Variants in PRKCE observed in about 807,000 individuals in gnomAD.
The protein encoded by PRKCE is protein kinase C epsilon type.
In PRKCE, 16 loss-of-function variants were observed where a neutral mutation model predicts 85.4. The observed-to-expected ratio is 0.19, with a 90% CI of 0.13 to 0.28. The LOEUF (loss-of-function observed/expected upper bound fraction) is 0.28. Among genes scored for constraint, PRKCE ranks in the 10% least tolerant of loss-of-function variants. The probability of loss-of-function intolerance (pLI) is 1.00; values close to 1 mark genes in which losing one functional copy is unlikely to be tolerated. For synonymous variants in PRKCE, 388 were observed against 371.5 expected, an observed-to-expected ratio of 1.04 and a Z score of -0.51; for missense variants, 573 against 975.2, an observed-to-expected ratio of 0.59 and a Z score of 5.49.
intron 2 of PRKCE, among the ~76,000 whole-genome samples, chr2:45,903,112 G>T (rs1429200282): frequency 6.6e-6 from 1 of 152,200 alleles, no homozygotes; most frequent in Non-Finnish European, 1.5e-5. Flanking sequence ...GTTTTAGTGT[G>T]AATCACTATC....
rs558051279 is a variant in PRKCE at position 45,980,489 on chromosome 2, T to A, written c.693+108T>A. 4.1e-5 allele frequency: 41 copies of A among 1,007,836 alleles called. No homozygotes were observed. The East Asian group carries it at 9.8e-4, about 24-fold the overall frequency. 62.4% of individuals were successfully genotyped at this position (1,007,836 alleles called of 1,614,324 possible). On this transcript the variant is annotated intron_variant, in intron 5 of 14. Transcript: ENST00000306156. ...ACCTTCTCTGCCTGAGACCCTGTCATTTCATTGTGTTGATAAAAAAACAAA... is the reference window on the plus strand; with the variant it reads ...ACCTTCTCTGCCTGAGACCCTGTCAATTCATTGTGTTGATAAAAAAACAAA...
chr2:46,056,615 T>A (rs1045795364), intron 10 of PRKCE, among the ~76,000 whole-genome samples: 9 of 152,252 alleles, frequency 5.9e-5, no homozygotes, highest in Non-Finnish European at 1.2e-4. Flanking sequence ...CTTGAATGTC[T>A]TTTCATTACA....
chr2:46,175,284 G>A (rs2104684885), intron 14 of PRKCE, among the ~76,000 whole-genome samples: 2 of 152,272 alleles, frequency 1.3e-5, no homozygotes, highest in South Asian at 4.1e-4. Context: ...ATGTGCAGGG[G>A]AGATAAATGC....
At position 45,652,047 on chromosome 2, in the gene PRKCE, T is replaced by G; in HGVS notation, c.-54T>G. 7.1e-7 allele frequency: 1 copy of G among 1,413,762 alleles called. No homozygotes were observed. Among genetic ancestry groups the G allele is most frequent in the Non-Finnish European group, 9.6e-7 (1 of 1,041,118 alleles). The allele number at this position is 1,413,762 out of a possible 1,614,324, so 87.6% of individuals were successfully genotyped here. ...GGAGTGCCGGGCCGTCGGTTCTTCA[T>G]TCCTGCCCTCGGGGCAGACGGAGTG... On this transcript the variant is annotated 5_prime_UTR_variant, in exon 1 of 15. Transcript: ENST00000306156. This position sits in a 1 kb window ranked among gnomAD's most constrained non-coding sequence, Gnocchi z 7.7.
chr2:45,976,652 T>A (rs1702473664), intron 3 of PRKCE, 64 bp downstream of exon 3: 1 of 1,543,508 alleles, frequency 6.5e-7, no homozygotes, highest in Non-Finnish European at 8.8e-7. Flanking sequence ...GGGGATGGGG[T>A]AGGGGAGACT....
Position 46,137,276 on chromosome 2 carries a change from G to A in PRKCE, c.1593-7817G>A, listed in dbSNP as rs374629999. ...ACTGCCTCACTTCTTGTCTGACATC[G>A]GGAAGAGAAAATATGGGGACCCACC... is the stretch of plus-strand genomic sequence containing the variant. On this transcript the variant is annotated intron_variant, in intron 11 of 14. Transcript: ENST00000306156. Among the ~76,000 whole-genome samples, 26 of 152,258 alleles carry A rather than the reference G, an allele frequency of 1.7e-4. No homozygotes were observed. The South Asian group carries it at 2.5e-3, about 15-fold the overall frequency.
chr2:45,843,767 T>G (rs1028264488), intron 2 of PRKCE, among the ~76,000 whole-genome samples: 4 of 152,166 alleles, frequency 2.6e-5, no homozygotes, highest in African/African-American at 4.8e-5. Context: ...CAACTTAAGC[T>G]CTAAGAAAGA....
intron 2 of PRKCE, among the ~76,000 whole-genome samples, chr2:45,933,652 G>C (rs57497996): frequency 6.6e-6 from 1 of 151,394 alleles, no homozygotes; most frequent in African/African-American, 2.4e-5. Flanking sequence ...TTTTTTTTGT[G>C]TTTTTAGTGG....
intron 2 of PRKCE, among the ~76,000 whole-genome samples, chr2:45,859,958 T>C (rs1174612295): frequency 6.6e-6 from 1 of 152,218 alleles, no homozygotes. Context: ...TAGTTTTCTT[T>C]CTATCGTCCT....
At chr2:46,030,774 A>G (rs1259587988) in intron 10 of PRKCE, among the ~76,000 whole-genome samples, 2 of 152,162 alleles carry the variant, frequency 1.3e-5, no homozygotes, top group South Asian at 2.1e-4. Context: ...CTAACCCACC[A>G]TTTGTTTCTC....
At position 45,755,969 on chromosome 2, in the gene PRKCE, C is replaced by G. The variant is rs144152468; in HGVS notation, c.349-87031C>G. On this transcript the variant is annotated intron_variant, in intron 1 of 14. Coordinates refer to ENST00000306156, the MANE Select transcript of PRKCE (RefSeq NM_005400.3). Reference sequence around the variant, plus strand: ...AGAGTGGATTCCGTGTTGGGAGGATCAGAGGAGACTTTGCATCCCCACTGC... The same window carrying G: ...AGAGTGGATTCCGTGTTGGGAGGATGAGAGGAGACTTTGCATCCCCACTGC... 1.6e-3 allele frequency among the ~76,000 whole-genome samples: 244 copies of G among 152,276 alleles called. 1 individual carries two copies. Among genetic ancestry groups the G allele is most frequent in the African/African-American group, 5.5e-3 (229 of 41,550 alleles).
At chr2:45,657,757 A>G (rs936330884) in intron 1 of PRKCE, among the ~76,000 whole-genome samples, 3 of 152,162 alleles carry the variant, frequency 2.0e-5, no homozygotes, top group African/African-American at 7.2e-5. Context: ...TGACTCTGGG[A>G]GATAGGCCTA....
chr2:45,730,144 A>G (rs537880810), intron 1 of PRKCE, among the ~76,000 whole-genome samples: 1 of 152,276 alleles, frequency 6.6e-6, no homozygotes, highest in African/African-American at 2.4e-5. Flanking sequence ...CCGTTTGGGG[A>G]CAACAGAGCA....
In PRKCE at chr2:46,184,652, G is replaced by A; in HGVS notation, c.2068-83G>A. 6.6e-7 allele frequency: 1 copy of A among 1,525,620 alleles called. No individual in the cohort carries two copies. Among genetic ancestry groups the A allele is most frequent in the African/African-American group, 1.4e-5 (1 of 72,910 alleles). 94.5% of individuals were successfully genotyped at this position (1,525,620 alleles called of 1,614,324 possible). On this transcript the variant is annotated intron_variant, in intron 14 of 14. Coordinates refer to ENST00000306156, the MANE Select transcript of PRKCE (RefSeq NM_005400.3). The surrounding 1 kb of genome is among the most constrained non-coding windows in gnomAD (Gnocchi z 5.0). ...AGAGGCCTGCTTTGGTGACAGGCTG[G>A]TCAGTGCGGTGCCCACTCCCCATGG...
chr2:45,882,155 G>A (rs371099486), intron 2 of PRKCE, among the ~76,000 whole-genome samples: 145 of 152,212 alleles, frequency 9.5e-4, no homozygotes, highest in African/African-American at 3.3e-3. Context: ...TTTTCCTTCC[G>A]ATATCATGAT....
In PRKCE at chr2:45,785,814, C is replaced by T. The variant is rs1458511527; in HGVS notation, c.349-57186C>T. Among the ~76,000 whole-genome samples the T allele has an allele frequency of 3.3e-5, 5 of 152,150 alleles. No individual in the cohort carries two copies. In the East Asian group the frequency reaches 9.7e-4, roughly 29 times the overall value. ...GACCACTCAACCCAGGCCGAGGAAG[C>T]ACAACAGATGGGAGTGCTCCTATGA... On this transcript the variant is annotated intron_variant, in intron 1 of 14. Transcript: ENST00000306156.
chr2:45,915,326 AATAGATT>A, intron 2 of PRKCE, among the ~76,000 whole-genome samples: 1 of 152,288 alleles, frequency 6.6e-6, no homozygotes, highest in South Asian at 2.1e-4. Flanking sequence ...TTTAGTAATT[AATAGATT>A]TAAGTATTTA....
intron 10 of PRKCE, among the ~76,000 whole-genome samples, chr2:46,049,349 C>A (rs1255892820): frequency 6.6e-6 from 1 of 152,180 alleles, no homozygotes; most frequent in Non-Finnish European, 1.5e-5. Flanking sequence ...CCAGTCCTGA[C>A]AATGCACATA....
intron 1 of PRKCE, among the ~76,000 whole-genome samples, chr2:45,673,159 G>T (rs1157868731): frequency 6.6e-6 from 1 of 152,098 alleles, no homozygotes; most frequent in African/African-American, 2.4e-5. Flanking sequence ...TGGAGTGTCA[G>T]GATACTTTGA....
Sources: gnomAD v4.1 joint callset for allele counts (sites outside exome capture counted in the v4.1 genomes callset) on GRCh38, gnomAD v4.1.1 for gene constraint, Gnocchi (gnomAD v3.1) non-coding constraint, MANE v1.5 for transcripts, NCBI Gene and HGNC (gene_info 2026-07-23, HGNC 2026-07-21) for gene names.